Variants in MARCHF3 observed in about 807,000 individuals in gnomAD.
MARCHF3 encodes E3 ubiquitin-protein ligase MARCHF3.
A neutral mutation model predicts 24.2 loss-of-function variants in MARCHF3; 13 were observed. The observed-to-expected ratio is 0.54, with a 90% CI of 0.35 to 0.85. The LOEUF is 0.85. Ranked by LOEUF, MARCHF3 falls within the 40% of genes least tolerant of loss-of-function variation. The pLI, the probability that MARCHF3 is intolerant of heterozygous loss-of-function variation, is 0.01. For synonymous variants in MARCHF3, 144 were observed against 137.3 expected (o/e 1.05, Z -0.34); for missense variants, 276 against 325.0 (o/e 0.85, Z 1.16).
At chr5:127,000,997 TG>T (rs1282264977) in intron 1 of MARCHF3, among the ~76,000 whole-genome samples, 1 of 152,100 alleles carries the variant, frequency 6.6e-6, no homozygotes, top group African/African-American at 2.4e-5. Flanking sequence ...CCCAGCACTT[TG>T]GGAGGCCGAG....
intron 1 of MARCHF3, among the ~76,000 whole-genome samples, chr5:127,009,253 G>A (rs1019825793): frequency 6.6e-6 from 1 of 152,088 alleles, no homozygotes; most frequent in Non-Finnish European, 1.5e-5. Context: ...TAAATTGATT[G>A]CTTATGTCTA....
chr5:126,936,811 C>T (rs1464001637), intron 1 of MARCHF3, among the ~76,000 whole-genome samples: 2 of 152,132 alleles, frequency 1.3e-5, no homozygotes, highest in African/African-American at 4.8e-5. Flanking sequence ...ATAAATAATC[C>T]AAAGGCAACC....
At chr5:127,010,105 T>C (rs1006319430) in intron 1 of MARCHF3, among the ~76,000 whole-genome samples, 6 of 152,158 alleles carry the variant, frequency 3.9e-5, no homozygotes, top group African/African-American at 1.4e-4. Flanking sequence ...CTCAGGGTTC[T>C]GAGTGGGGTT....
chr5:126,944,600 T>C (rs1749946914), intron 1 of MARCHF3, among the ~76,000 whole-genome samples: 1 of 152,050 alleles, frequency 6.6e-6, no homozygotes. Flanking sequence ...GTAATAATAA[T>C]AATAATCATG....
intron 1 of MARCHF3, among the ~76,000 whole-genome samples, chr5:126,949,002 A>G (rs1009652658): frequency 1.1e-4 from 17 of 152,018 alleles, no homozygotes; most frequent in African/African-American, 3.9e-4. Context: ...TACCATCAAG[A>G]AAAAAAACTT....
chr5:127,015,013 G>C (rs1752591900), intron 1 of MARCHF3, among the ~76,000 whole-genome samples: 1 of 152,162 alleles, frequency 6.6e-6, no homozygotes, highest in Non-Finnish European at 1.5e-5. Context: ...AAATGTTTGA[G>C]ATGATAGATA....
chr5:126,874,881 G>A (rs371757351), intron 4 of MARCHF3, among the ~76,000 whole-genome samples: 5 of 152,180 alleles, frequency 3.3e-5, no homozygotes, highest in African/African-American at 4.8e-5. Context: ...TTGGGACAGC[G>A]TTCCATTGGC....
intron 4 of MARCHF3, 49 bp downstream of exon 4, chr5:126,878,136 A>C: frequency 3.2e-6 from 5 of 1,579,100 alleles, no homozygotes; most frequent in Non-Finnish European, 4.3e-6. Context: ...GCCAGCTGTG[A>C]GGCTGCCAGC....
At position 126,869,541 on chromosome 5, in the gene MARCHF3, A is replaced by C. The variant is rs936596598; in HGVS notation, c.*1092T>G. The stretch of plus-strand genomic sequence containing the variant: ...GTGGGGCTCCTTTTTAAAGAATCAG[A>C]CAAAGGGGTCTTAGAATAAGTGCAG... On this transcript the variant is annotated 3_prime_UTR_variant, in exon 5 of 5. Coordinates refer to ENST00000308660, the MANE Select transcript of MARCHF3 (RefSeq NM_178450.5). The C allele has an allele frequency of 4.7e-5, 7 of 147,504 alleles. No homozygotes were observed. The highest frequency in any genetic ancestry group is 1.5e-4 in the African/African-American group (6 of 38,962). The allele number at this position is 147,504 out of a possible 1,614,324, so 9.1% of individuals were successfully genotyped here.
chr5:126,935,269 C>G (rs1749605759), intron 1 of MARCHF3, among the ~76,000 whole-genome samples: 1 of 152,160 alleles, frequency 6.6e-6, no homozygotes, highest in Non-Finnish European at 1.5e-5. Context: ...TTTGCCCTCC[C>G]TCATGTGGGT....
chr5:127,024,559 G>T (rs1049234539), intron 1 of MARCHF3, among the ~76,000 whole-genome samples: 3 of 152,142 alleles, frequency 2.0e-5, no homozygotes, highest in African/African-American at 7.2e-5. Flanking sequence ...AAGTAGAGAA[G>T]TACTACCCAT....
At chr5:126,942,441 T>TAA (rs58742851) in intron 1 of MARCHF3, among the ~76,000 whole-genome samples, 1 of 149,284 alleles carries the variant, frequency 6.7e-6, no homozygotes, top group African/African-American at 2.4e-5. Context: ...TTTAGTTTTG[T>TAA]AAAAAAAAAA....
Position 126,918,060 on chromosome 5 carries a change from G to T in MARCHF3, c.112C>A (p.Pro38Thr). The T allele has an allele frequency of 2.5e-6, 4 of 1,614,200 alleles. No homozygotes were observed. Among genetic ancestry groups the T allele is most frequent in the Non-Finnish European group, 3.4e-6 (4 of 1,180,036 alleles). ...EDCGSLVNGQ[P>T]QYVMQVSAKD... ...GCTGAAACTTGCATGACATACTGCG[G>T]CTGCCCATTCACTAGGCTGCCACAA... is the stretch of plus-strand genomic sequence containing the variant. Residue 38 changes from proline (P) to threonine (T), a missense_variant, in exon 2 of 5, where the codon CCG becomes ACG. Transcript: ENST00000308660.
intron 4 of MARCHF3, among the ~76,000 whole-genome samples, chr5:126,873,169 C>T (rs1017256058): frequency 1.3e-5 from 2 of 152,112 alleles, no homozygotes; most frequent in African/African-American, 2.4e-5. Context: ...GCCAGGCACA[C>T]GGGCCTGCAA....
At chr5:126,879,374 C>T (rs79456457) in intron 3 of MARCHF3, among the ~76,000 whole-genome samples, 2,058 of 152,198 alleles carry the variant, frequency 0.014, 53 homozygotes, top group African/African-American at 0.047. Context: ...ATACCAAACA[C>T]GGAATAATAC....
At chr5:126,925,558 ATTTAAT>A (rs1358628300) in intron 1 of MARCHF3, among the ~76,000 whole-genome samples, 1 of 152,212 alleles carries the variant, frequency 6.6e-6, no homozygotes, top group Non-Finnish European at 1.5e-5. Context: ...TCCATTTTTC[ATTTAAT>A]TTTAATTATA....
At chr5:126,896,979 C>G (rs1753939540) in intron 3 of MARCHF3, among the ~76,000 whole-genome samples, 1 of 151,128 alleles carries the variant, frequency 6.6e-6, no homozygotes, top group Admixed American at 6.6e-5. Flanking sequence ...AGGCACTGTT[C>G]TGGACCATTT....
intron 1 of MARCHF3, among the ~76,000 whole-genome samples, chr5:126,952,674 T>C (rs1035107691): frequency 6.6e-6 from 1 of 152,208 alleles, no homozygotes; most frequent in African/African-American, 2.4e-5. Flanking sequence ...CTTTAAATAA[T>C]ATGCCTAAAC....
At chr5:126,881,318 T>C (rs1399917923) in intron 3 of MARCHF3, among the ~76,000 whole-genome samples, 1 of 152,216 alleles carries the variant, frequency 6.6e-6, no homozygotes, top group Non-Finnish European at 1.5e-5. Flanking sequence ...CTCCAAATGT[T>C]ACTTATCAAT....
Sources: allele counts gnomAD v4.1 joint callset (sites outside exome capture counted in the v4.1 genomes callset), GRCh38; gene constraint gnomAD v4.1.1; transcripts MANE v1.5; gene names NCBI Gene and HGNC (gene_info 2026-07-23, HGNC 2026-07-21).